AKAP11: variants seen among roughly 807,000 people sequenced by gnomAD.
AKAP11 encodes the protein A-kinase anchoring protein 11.
AKAP11 carries 36 observed loss-of-function variants against 146.1 expected under a neutral mutation model. The observed-to-expected ratio is 0.25, with a 90% CI of 0.19 to 0.33. The LOEUF (loss-of-function observed/expected upper bound fraction) is 0.33. Among genes scored for constraint, AKAP11 ranks in the 10% least tolerant of loss-of-function variants. AKAP11 has a pLI of 1.00. For missense variants in AKAP11, 2,201 were observed against 2,197.0 expected, an observed-to-expected ratio of 1.00 and a Z score of -0.04; for synonymous variants, 780 against 786.5, an observed-to-expected ratio of 0.99 and a Z score of 0.14.
intron 12 of AKAP11, among the ~76,000 whole-genome samples, chr13:42,318,262 T>C (rs1365099706): frequency 6.6e-6 from 1 of 152,234 alleles, no homozygotes; most frequent in African/African-American, 2.4e-5. Flanking sequence ...TATCAGAACT[T>C]TCCTTTTGGG....
intron 1 of AKAP11, among the ~76,000 whole-genome samples, chr13:42,279,019 T>A (rs1229828184): frequency 6.6e-6 from 1 of 152,142 alleles, no homozygotes; most frequent in Non-Finnish European, 1.5e-5. Context: ...TCTGTTGTCC[T>A]TGGTTCCTCT....
rs567934903 is a variant in AKAP11, at chr13:42,322,493, A to G, written c.*3265A>G. 6.6e-6 allele frequency: 1 copy of G among 152,376 alleles called. No homozygotes were observed. The highest frequency in any genetic ancestry group is 2.1e-4 in the South Asian group (1 of 4,826). 9.4% of individuals were successfully genotyped at this position (152,376 alleles called of 1,614,324 possible). ...CAATTTCCCATCAGTATATCACTTT[A>G]AATTTTATGTTTTTCTAAGGAAACT... On this transcript the variant is annotated 3_prime_UTR_variant, in exon 13 of 13. Coordinates refer to ENST00000025301, the MANE Select transcript of AKAP11 (RefSeq NM_016248.4).
At chr13:42,318,252 T>C (rs1245754609) in intron 12 of AKAP11, among the ~76,000 whole-genome samples, 2 of 152,236 alleles carry the variant, frequency 1.3e-5, no homozygotes, top group Non-Finnish European at 2.9e-5. Flanking sequence ...TAATTTTCTT[T>C]ATCAGAACTT....
rs1418285703 is a variant in AKAP11 at position 42,303,112 on chromosome 13, A to G, written c.4366A>G (p.Ser1456Gly). Residue 1456 changes from serine to glycine, a missense_variant, in exon 8 of 13, where the codon AGT becomes GGT. By Grantham distance (56) the Ser-to-Gly change is moderately conservative. Transcript: ENST00000025301. ...PYRNEVSQLY[S>G]FSTSLVHSIT... ...TAGAAATGAGGTCTCCCAACTGTAT[A>G]GTTTTTCAACCTCTCTGGTTCACAG... 2 of 1,614,066 alleles carry G rather than the reference A, an allele frequency of 1.2e-6. No homozygotes were observed. The highest frequency in any genetic ancestry group is 4.5e-5 in the East Asian group (2 of 44,892).
rs371221868 is a variant in AKAP11 at position 42,302,720 on chromosome 13, G to A, written c.3974G>A (p.Ser1325Asn). Residue 1325 changes from serine (S) to asparagine (N), a missense_variant, in exon 8 of 13, where the codon AGT becomes AAT. Ser to Asn is a conservative substitution (Grantham distance 46). This residue lies in a region of AKAP11 where 1,867 missense variants were observed against 1,833.5 expected (regional missense o/e 1.02). Transcript: ENST00000025301. ...CCGTTTATTCTTTCATTACCACCAA[G>A]TTCTTGTATGTCAGGTCTGATGTAT... is the stretch of plus-strand genomic sequence containing the variant. ...VDPFILSLPP[S>N]SCMSGLMYKY... 1.3e-5 allele frequency: 21 copies of A among 1,613,960 alleles called. No homozygotes were observed. The highest frequency in any genetic ancestry group is 1.4e-5 in the Non-Finnish European group (17 of 1,180,008).
intron 2 of AKAP11, 96 bp from the exon 3 acceptor site, chr13:42,286,203 CT>C (rs1004902774): frequency 2.2e-6 from 1 of 446,600 alleles, no homozygotes; most frequent in African/African-American, 2.1e-5. Context: ...TTTTATTTTT[CT>C]TTTAATGACT....
chr13:42,312,048 A>G (rs1960591789), intron 9 of AKAP11, among the ~76,000 whole-genome samples: 1 of 152,164 alleles, frequency 6.6e-6, no homozygotes, highest in Non-Finnish European at 1.5e-5. Flanking sequence ...TGATGTACAT[A>G]AAATGATTTT....
chr13:42,291,271 G>A (rs138380479), intron 3 of AKAP11, among the ~76,000 whole-genome samples: 415 of 152,052 alleles, frequency 2.7e-3, no homozygotes, highest in African/African-American at 8.9e-3. Context: ...TTTTGTTTTC[G>A]AGACGGAATC....
At chr13:42,277,735 C>T (rs1197766209) in intron 1 of AKAP11, among the ~76,000 whole-genome samples, 1 of 152,164 alleles carries the variant, frequency 6.6e-6, no homozygotes, top group Non-Finnish European at 1.5e-5. Context: ...TCGTTCACTT[C>T]AGTAAATCTA....
At chr13:42,278,270 A>G (rs929659217) in intron 1 of AKAP11, among the ~76,000 whole-genome samples, 3 of 152,242 alleles carry the variant, frequency 2.0e-5, no homozygotes, top group Non-Finnish European at 2.9e-5. Context: ...AAGACATACT[A>G]AAATCATTTT....
chr13:42,271,505 G>A (rs554848755), upstream of AKAP11, among the ~76,000 whole-genome samples: 2 of 152,364 alleles, frequency 1.3e-5, no homozygotes, highest in East Asian at 1.9e-4. Context: ...CAGAAAGGAT[G>A]AGCCTTCCTT....
intron 1 of AKAP11, among the ~76,000 whole-genome samples, chr13:42,278,815 AGTTAC>A (rs1958988059): frequency 6.6e-6 from 1 of 152,076 alleles, no homozygotes; most frequent in Non-Finnish European, 1.5e-5. Context: ...TTCTTTCCAT[AGTTAC>A]TCTAGTGGTG....
intron 3 of AKAP11, among the ~76,000 whole-genome samples, chr13:42,288,907 G>A (rs979444225): frequency 1.3e-5 from 2 of 152,188 alleles, no homozygotes; most frequent in Non-Finnish European, 2.9e-5. Context: ...ATCAGGTTAA[G>A]CATTTATGGC....
intron 8 of AKAP11, among the ~76,000 whole-genome samples, chr13:42,305,265 A>C (rs774004917): frequency 6.6e-6 from 1 of 152,194 alleles, no homozygotes; most frequent in Non-Finnish European, 1.5e-5. Flanking sequence ...AAGCCATGAC[A>C]TGGTCTGCCT....
chr13:42,310,584 G>A (rs1022854705), intron 9 of AKAP11, among the ~76,000 whole-genome samples: 1 of 152,164 alleles, frequency 6.6e-6, no homozygotes, highest in African/African-American at 2.4e-5. Flanking sequence ...TGGGCGCGGT[G>A]ATTCACGCCT....
At position 42,302,775 on chromosome 13, in the gene AKAP11, T is replaced by G. The variant is rs1225999216; in HGVS notation, c.4029T>G (p.Asp1343Glu). 1.2e-6 allele frequency: 2 copies of G among 1,614,124 alleles called. No homozygotes were observed. Among genetic ancestry groups the G allele is most frequent in the East Asian group, 2.2e-5 (1 of 44,868 alleles). The change falls in exon 8 of 13, where the codon GAT (aspartate) becomes GAG (glutamate). Residue 1343 changes from aspartate to glutamate, a missense_variant. Around this residue, in one of 3 missense-constraint regions of AKAP11, gnomAD observed 1,867 missense variants for 1,833.5 expected, o/e 1.02. Coordinates refer to ENST00000025301, the MANE Select transcript of AKAP11 (RefSeq NM_016248.4). ...ATCCCAGCTGTGAAAGTGTGACAGA[T>G]GAATATGCAGGTCACCTTATTCAGA... ...YKYPSCESVT[D>E]EYAGHLIQIL... is the part of the protein sequence containing the mutation.
chr13:42,271,881 T>G (rs568636143), upstream of AKAP11, among the ~76,000 whole-genome samples: 1 of 151,568 alleles, frequency 6.6e-6, no homozygotes, highest in Non-Finnish European at 1.5e-5. Context: ...CTCCGCGGGC[T>G]GCACTGGAGC....
intron 8 of AKAP11, among the ~76,000 whole-genome samples, chr13:42,308,223 T>G (rs569271862): frequency 6.6e-6 from 1 of 152,316 alleles, no homozygotes; most frequent in East Asian, 1.9e-4. Flanking sequence ...CATTGTAGAT[T>G]AACAAAGTAA....
At chr13:42,282,755 G>C (rs573616005) in intron 1 of AKAP11, among the ~76,000 whole-genome samples, 2 of 152,240 alleles carry the variant, frequency 1.3e-5, no homozygotes, top group South Asian at 4.1e-4. Context: ...GAGCTATAGT[G>C]GTTCACTTCG....
Sources: gnomAD v4.1 joint callset for allele counts (sites outside exome capture counted in the v4.1 genomes callset) on GRCh38, gnomAD v4.1.1 for gene constraint, gnomAD v4.1.1 regional missense constraint, MANE v1.5 for transcripts, NCBI Gene and HGNC (gene_info 2026-07-23, HGNC 2026-07-21) for gene names.